PGAM5: variants seen among roughly 807,000 people sequenced by gnomAD.
PGAM5 encodes PGAM family member 5, mitochondrial serine/threonine protein phosphatase.
In PGAM5, 25 loss-of-function variants were observed where a neutral mutation model predicts 30.6. That is an observed-to-expected ratio of 0.82 (90% CI 0.60 to 1.14). The LOEUF is 1.14. Ranked by LOEUF, PGAM5 falls within the 50% of genes most tolerant of loss-of-function variation. The pLI, the probability that PGAM5 is intolerant of heterozygous loss-of-function variation, is 0.00. For synonymous variants in PGAM5, 201 were observed against 179.1 expected (o/e 1.12, Z -0.98); for missense variants, 384 against 408.5 (o/e 0.94, Z 0.52).
chr12:132,721,055 C>T lies in PGAM5; in HGVS notation c.*227C>T, dbSNP rs78655726. 1.5e-3 allele frequency: 696 copies of T among 479,882 alleles called. 5 individuals carry two copies. Among genetic ancestry groups the T allele is most frequent in the African/African-American group, 0.012 (608 of 51,146 alleles). The allele number at this position is 479,882 out of a possible 1,614,324, so 29.7% of individuals were successfully genotyped here. ...GATGGCGTGGGGTTTAAGGTGAAAG[C>T]GTCTCACGCACAAGTCAGGCCTGTT... On this transcript the variant is annotated 3_prime_UTR_variant, in exon 6 of 6. Transcript: ENST00000498926.
intron 1 of PGAM5, 144 bp downstream of exon 1, chr12:132,711,211 C>T (rs544958165): frequency 1.6e-6 from 1 of 612,042 alleles, no homozygotes; most frequent in East Asian, 4.6e-5. Context: ...GGAGGAGCCG[C>T]TTTCCGGGGC....
chr12:132,720,461 T>C (rs973095216), intron 5 of PGAM5, among the ~76,000 whole-genome samples: 19 of 152,064 alleles, frequency 1.2e-4, no homozygotes, highest in Non-Finnish European at 2.1e-4. Flanking sequence ...GTGCCTGCTA[T>C]CACGCCCAGC....
At chr12:132,714,650 C>T (rs914458178) in intron 1 of PGAM5, 23 of 561,226 alleles carry the variant, frequency 4.1e-5, no homozygotes, top group Non-Finnish European at 6.6e-5. Context: ...TGCTCTCCAG[C>T]GCATCACTCA....
intron 2 of PGAM5, among the ~76,000 whole-genome samples, chr12:132,716,951 A>G (rs2043583556): frequency 6.6e-6 from 1 of 152,188 alleles, no homozygotes; most frequent in African/African-American, 2.4e-5. Context: ...AGCTCACAAG[A>G]GAAAAGGCAT....
rs752431095 is a variant in PGAM5 at position 132,717,679 on chromosome 12, T to C, written c.497-31T>C. 39 of 1,564,142 alleles carry C rather than the reference T, an allele frequency of 2.5e-5. No homozygotes were observed. The Admixed American group carries it at 3.6e-4, about 14-fold the overall frequency. Reference sequence around the variant, plus strand: ...CAGCATCTCCGCCGGCGGGGCCGCCTCACCCAGCGCTTCGCTGTGCTTCTC... The same window carrying C: ...CAGCATCTCCGCCGGCGGGGCCGCCCCACCCAGCGCTTCGCTGTGCTTCTC... On this transcript the variant is annotated intron_variant, in intron 3 of 5. Transcript: ENST00000498926.
chr12:132,714,011 GTGTT>G (rs893008430), intron 1 of PGAM5, among the ~76,000 whole-genome samples: 19 of 151,960 alleles, frequency 1.3e-4, no homozygotes, highest in African/African-American at 2.2e-4. Flanking sequence ...TCCTCACTGA[GTGTT>G]TGTTTATTTA....
rs2043648494 is a variant in PGAM5, at chr12:132,721,890, A to G, written c.*1062A>G. On this transcript the variant is annotated 3_prime_UTR_variant, in exon 6 of 6. Coordinates refer to ENST00000498926, the MANE Select transcript of PGAM5 (RefSeq NM_001170543.2). Reference sequence around the variant, plus strand: ...AGTGCTGGGATTAAAGGTGTGAGCCATCGTGCCTGGCCTAAAAAATTTTTT... The same window carrying G: ...AGTGCTGGGATTAAAGGTGTGAGCCGTCGTGCCTGGCCTAAAAAATTTTTT... 6.6e-6 allele frequency: 1 copy of G among 152,250 alleles called. No homozygotes were observed. Among genetic ancestry groups the G allele is most frequent in the African/African-American group, 2.4e-5 (1 of 41,474 alleles). The allele number at this position is 152,250 out of a possible 1,614,324, so 9.4% of individuals were successfully genotyped here.
chr12:132,718,280 G>T (rs1443567135), intron 5 of PGAM5, among the ~76,000 whole-genome samples, 160 bp downstream of exon 5: 1 of 150,546 alleles, frequency 6.6e-6, no homozygotes, highest in Non-Finnish European at 1.5e-5. Context: ...AGTCAGTTAC[G>T]CGGTAGGTGG....
At position 132,720,860 on chromosome 12, in the gene PGAM5, C is replaced by T. The variant is rs540448593; in HGVS notation, c.*32C>T. The T allele has an allele frequency of 2.6e-6, 4 of 1,528,906 alleles. No individual in the cohort carries two copies. In the South Asian group the frequency reaches 4.8e-5, roughly 18 times the overall value. 94.7% of individuals were successfully genotyped at this position (1,528,906 alleles called of 1,614,324 possible). On this transcript the variant is annotated 3_prime_UTR_variant, in exon 6 of 6. Transcript: ENST00000498926. ...CGGCCTCTCCTTCCCTCTGTCCTCC[C>T]TGCACAGGCCGCACACACTTAACGT...
chr12:132,720,594 CCA>C, intron 5 of PGAM5, 82 bp from the exon 6 acceptor site: 1 of 1,413,486 alleles, frequency 7.1e-7, no homozygotes, highest in South Asian at 1.4e-5. Flanking sequence ...GTGTGAGCCA[CCA>C]TGCCCGGCCT....
At position 132,721,825 on chromosome 12, in the gene PGAM5, A is replaced by C. The variant is rs2043647614; in HGVS notation, c.*997A>C. 1 of 152,002 alleles carries C rather than the reference A, an allele frequency of 6.6e-6. No homozygotes were observed. The highest frequency in any genetic ancestry group is 2.1e-4 in the South Asian group (1 of 4,812). 9.4% of individuals were successfully genotyped at this position (152,002 alleles called of 1,614,324 possible). On this transcript the variant is annotated 3_prime_UTR_variant, in exon 6 of 6. Transcript: ENST00000498926. Reference sequence around the variant, plus strand: ...ATAGAATTGTTCAGGCTGGTCTCGAACTCCCAACCTCAGGTGATTCACCCA... The same window carrying C: ...ATAGAATTGTTCAGGCTGGTCTCGACCTCCCAACCTCAGGTGATTCACCCA...
At chr12:132,715,464 G>A (rs1041796572) in intron 2 of PGAM5, among the ~76,000 whole-genome samples, 10 of 149,424 alleles carry the variant, frequency 6.7e-5, no homozygotes, top group African/African-American at 1.5e-4. Context: ...CCAGCTACTC[G>A]GGAAGCTGAG....
intron 5 of PGAM5, 85 bp from the exon 6 acceptor site, chr12:132,720,593 A>G: frequency 7.1e-7 from 1 of 1,406,492 alleles, no homozygotes; most frequent in South Asian, 1.4e-5. Flanking sequence ...GGTGTGAGCC[A>G]CCATGCCCGG....
rs2043618411 is a variant in PGAM5 at position 132,719,120 on chromosome 12, C to T, written c.719+1000C>T. On this transcript the variant is annotated intron_variant, in intron 5 of 5. Coordinates refer to ENST00000498926, the MANE Select transcript of PGAM5 (RefSeq NM_001170543.2). ...CAGCTCTACGGTTACATGCCTGAAA[C>T]AGTCAGAAGGGTTGGCCAAATCTCA... is the stretch of plus-strand genomic sequence containing the variant. The T allele has an allele frequency of 6.7e-6, 9 of 1,352,264 alleles. No individual in the cohort carries two copies. The South Asian group carries it at 1.3e-4, about 20-fold the overall frequency. 83.8% of individuals were successfully genotyped at this position (1,352,264 alleles called of 1,614,324 possible).
chr12:132,720,421 C>T (rs976701824), intron 5 of PGAM5, among the ~76,000 whole-genome samples: 21 of 151,900 alleles, frequency 1.4e-4, no homozygotes, highest in African/African-American at 2.4e-4. Flanking sequence ...CATTCTTCTG[C>T]CTCAGCCTCC....
chr12:132,715,616 C>T (rs1387948407), intron 2 of PGAM5, among the ~76,000 whole-genome samples: 3 of 148,656 alleles, frequency 2.0e-5, no homozygotes, highest in African/African-American at 7.5e-5. Flanking sequence ...CGGTGGCTCA[C>T]GCCTGTAATC....
Position 132,715,020 on chromosome 12 carries a change from C to T in PGAM5, c.354C>T (p.Arg118=), listed in dbSNP as rs748380453. The change falls in exon 2 of 6, where the codon CGC becomes CGT. Residue 118 remains arginine (R), a synonymous_variant. Transcript: ENST00000498926. ...YHVDGSLEKD[R]TLTPLGREQA... The stretch of plus-strand genomic sequence containing the variant: ...TGGATGGCTCCCTGGAGAAGGACCG[C>T]ACTCTGACCCCGCTGGGTATGTGGT... 1.7e-5 allele frequency: 28 copies of T among 1,612,022 alleles called. 1 individual carries two copies. Among genetic ancestry groups the T allele is most frequent in the African/African-American group, 1.7e-4 (13 of 74,928 alleles).
intron 1 of PGAM5, 105 bp downstream of exon 1, chr12:132,711,172 A>G (rs2043518231): frequency 1.1e-6 from 1 of 894,722 alleles, no homozygotes; most frequent in South Asian, 5.5e-5. Context: ...TCGGGTCGGG[A>G]TCTGGGGTCG....
At chr12:132,718,874 C>T in intron 5 of PGAM5, 13 of 1,611,162 alleles carry the variant, frequency 8.1e-6, no homozygotes, top group Non-Finnish European at 1.1e-5. Context: ...CTCGGGGTGT[C>T]CGCTCCCCTC....
Sources: gnomAD v4.1 joint callset for allele counts (sites outside exome capture counted in the v4.1 genomes callset) on GRCh38, gnomAD v4.1.1 for gene constraint, MANE v1.5 for transcripts, NCBI Gene and HGNC (gene_info 2026-07-23, HGNC 2026-07-21) for gene names.